Variants in CENPP observed in about 807,000 individuals in gnomAD.
CENPP encodes the protein centromere protein P.
Under a neutral mutation model 35.6 loss-of-function variants are expected in CENPP, and 24 were observed. The ratio of observed to expected loss-of-function variants is 0.67; its 90% CI spans 0.49 to 0.95. The LOEUF (loss-of-function observed/expected upper bound fraction) is 0.95, where lower values mean the gene tolerates loss of function less well. CENPP is among the 40% of genes least tolerant of loss of function. CENPP has a pLI of 0.00. For missense variants in CENPP, 332 were observed against 345.3 expected (o/e 0.96, Z 0.31); for synonymous variants, 120 against 125.5 (o/e 0.96, Z 0.29).
chr9:92,534,320 C>T (rs546158938), intron 5 of CENPP, among the ~76,000 whole-genome samples: 1 of 152,298 alleles, frequency 6.6e-6, no homozygotes, highest in Non-Finnish European at 1.5e-5. Context: ...TCTTGAATCT[C>T]AGTACTTCTT....
intron 4 of CENPP, among the ~76,000 whole-genome samples, chr9:92,378,580 A>G (rs934209167): frequency 1.3e-5 from 2 of 152,158 alleles, no homozygotes; most frequent in African/African-American, 2.4e-5. Flanking sequence ...ATGGTTTTAA[A>G]TTATAGTTAA....
intron 5 of CENPP, among the ~76,000 whole-genome samples, chr9:92,492,331 T>C (rs1485743225): frequency 6.6e-6 from 1 of 152,180 alleles, no homozygotes; most frequent in Non-Finnish European, 1.5e-5. Flanking sequence ...ACTTTAAAGA[T>C]TTATACTACA....
At position 92,515,099 on chromosome 9, in the gene CENPP, G is replaced by A. The variant is rs1449938632; in HGVS notation, c.565-96215G>A. ...CGGTCCATTCCCACCTGAGGAGGTG[G>A]CAGTTGCTTATGAAGTAAATTGGTA... On this transcript the variant is annotated intron_variant, in intron 5 of 7. Coordinates refer to ENST00000375587, the MANE Select transcript of CENPP (RefSeq NM_001012267.3). 9 of 1,613,960 alleles carry A rather than the reference G, an allele frequency of 5.6e-6. No individual in the cohort carries two copies. Among genetic ancestry groups the A allele is most frequent in the Non-Finnish European group, 6.8e-6 (8 of 1,180,014 alleles).
At chr9:92,408,170 C>T (rs1843356742) in intron 5 of CENPP, among the ~76,000 whole-genome samples, 1 of 152,162 alleles carries the variant, frequency 6.6e-6, no homozygotes, top group African/African-American at 2.4e-5. Context: ...AGTCAAAACA[C>T]CTGAGTTCTA....
intron 4 of CENPP, among the ~76,000 whole-genome samples, chr9:92,359,098 T>C (rs10121495): frequency 0.44 from 67,180 of 151,634 alleles, 17,046 homozygotes; most frequent in African/African-American, 0.69. Flanking sequence ...TAAAGGCATG[T>C]GCCACCACAC....
Position 92,594,270 on chromosome 9 carries a change from C to T in CENPP, c.565-17044C>T, listed in dbSNP as rs564257859. 1.4e-4 allele frequency among the ~76,000 whole-genome samples: 22 copies of T among 152,274 alleles called. No individual in the cohort carries two copies. In the South Asian group the frequency reaches 4.6e-3, roughly 32 times the overall value. On this transcript the variant is annotated intron_variant, in intron 5 of 7. Coordinates refer to ENST00000375587, the MANE Select transcript of CENPP (RefSeq NM_001012267.3). ...TTTAGGGTCAGCCCACCTCTGGTCT[C>T]CCTCCATTCTTATCAGTGGGATCAC...
chr9:92,548,879 T>A (rs756082531), intron 5 of CENPP, among the ~76,000 whole-genome samples: 1 of 152,268 alleles, frequency 6.6e-6, no homozygotes, highest in South Asian at 2.1e-4. Context: ...GTGTGTGTTA[T>A]CTAGAACTTG....
intron 5 of CENPP, among the ~76,000 whole-genome samples, chr9:92,570,170 G>A (rs899504669): frequency 6.6e-6 from 1 of 152,120 alleles, no homozygotes; most frequent in African/African-American, 2.4e-5. Context: ...TTTTCAAAGG[G>A]AGTGCTTCTA....
At chr9:92,365,030 G>A (rs1841851589) in intron 4 of CENPP, among the ~76,000 whole-genome samples, 2 of 152,174 alleles carry the variant, frequency 1.3e-5, no homozygotes, top group African/African-American at 2.4e-5. Flanking sequence ...CAGCAGTTAC[G>A]TGTTGCCTGT....
intron 4 of CENPP, among the ~76,000 whole-genome samples, chr9:92,348,555 G>A (rs1366738625): frequency 6.6e-6 from 1 of 151,922 alleles, no homozygotes; most frequent in African/African-American, 2.4e-5. Flanking sequence ...ACCACACCCG[G>A]CTAATTTTGT....
At chr9:92,532,023 T>TTTG (rs1848814059) in intron 5 of CENPP, among the ~76,000 whole-genome samples, 1 of 128,668 alleles carries the variant, frequency 7.8e-6, no homozygotes, top group Non-Finnish European at 1.6e-5. Flanking sequence ...ATGTTTTTTT[T>TTTG]TTTTTATTTT....
chr9:92,373,939 C>T (rs1564283938), intron 4 of CENPP, among the ~76,000 whole-genome samples: 1 of 152,014 alleles, frequency 6.6e-6, no homozygotes, highest in African/African-American at 2.4e-5. Context: ...TGTTTTCTTG[C>T]TTTTCATGTA....
chr9:92,379,166 G>A (rs1328184289), intron 4 of CENPP, among the ~76,000 whole-genome samples: 3 of 152,216 alleles, frequency 2.0e-5, no homozygotes, highest in Non-Finnish European at 4.4e-5. Flanking sequence ...ATGCATAGAC[G>A]AAGGTCTGGG....
Position 92,612,571 on chromosome 9 carries a change from G to T in CENPP, c.693G>T (p.Lys231Asn). The change falls in exon 7 of 8, where the codon AAG (lysine) becomes AAT (asparagine). Residue 231 changes from lysine to asparagine, a missense_variant. Coordinates refer to ENST00000375587, the MANE Select transcript of CENPP (RefSeq NM_001012267.3). ...GGATACAAATAGATGAAGATGGGAA[G>T]GTTTTTCCAAAGCTGGATCTTCTCA... The part of the protein sequence containing the change: ...VWRIQIDEDG[K>N]VFPKLDLLTK... 3.7e-6 allele frequency: 6 copies of T among 1,614,158 alleles called. No individual in the cohort carries two copies. Among genetic ancestry groups the T allele is most frequent in the Non-Finnish European group, 5.1e-6 (6 of 1,180,014 alleles).
rs1588179976 is a variant in CENPP at position 92,496,209 on chromosome 9, A to G, written c.565-115105A>G. The G allele has an allele frequency of 4.1e-6, 6 of 1,450,798 alleles. No homozygotes were observed. In the African/African-American group the frequency reaches 5.8e-5, roughly 14 times the overall value. 89.9% of individuals were successfully genotyped at this position (1,450,798 alleles called of 1,614,324 possible). On this transcript the variant is annotated intron_variant, in intron 5 of 7. Transcript: ENST00000375587. ...TAGTGAATCAGGTTGACTAGCATAT[A>G]ATGATACTGAGTATAACAGGAGGAT... is the stretch of plus-strand genomic sequence containing the variant.
chr9:92,409,652 A>G (rs1053259818), intron 5 of CENPP, among the ~76,000 whole-genome samples: 3 of 152,198 alleles, frequency 2.0e-5, no homozygotes, highest in Non-Finnish European at 2.9e-5. Context: ...TTATGCATTT[A>G]TATTTGTTAA....
At position 92,617,710 on chromosome 9, in the gene CENPP, G is replaced by A. The variant is rs182924608; in HGVS notation, c.*4561G>A. The A allele has an allele frequency of 3.7e-4, 59 of 157,968 alleles. 1 individual carries two copies. The highest frequency in any genetic ancestry group is 5.6e-4 in the Non-Finnish European group (40 of 71,602). The allele number at this position is 157,968 out of a possible 1,614,324, so 9.8% of individuals were successfully genotyped here. A position where few individuals can be genotyped will look rare whatever the true frequency, so the allele number is the denominator to read the frequency against. On this transcript the variant is annotated 3_prime_UTR_variant, in exon 8 of 8. Transcript: ENST00000375587. ...GACCAGCAGCCTCCAAGGGTGCTGG[G>A]GATCGGGGTGGAGAAGCCAAGGCCG...
In CENPP at chr9:92,464,803, C is replaced by T. The variant is rs532634002; in HGVS notation, c.564+84944C>T. The T allele has an allele frequency of 8.7e-6, 7 of 807,690 alleles. No individual in the cohort carries two copies. In the South Asian group the frequency reaches 9.7e-5, roughly 11 times the overall value. The allele number at this position is 807,690 out of a possible 1,614,324, so 50.0% of individuals were successfully genotyped here. ...GTGTAGACTATATTGACCAGATTTACTGGTGCAAAGATTTCTAGTTGCAGT... is the reference window on the plus strand; with the variant it reads ...GTGTAGACTATATTGACCAGATTTATTGGTGCAAAGATTTCTAGTTGCAGT... On this transcript the variant is annotated intron_variant, in intron 5 of 7. Transcript: ENST00000375587.
intron 5 of CENPP, among the ~76,000 whole-genome samples, chr9:92,533,341 A>ATG (rs1326980048): frequency 3.2e-5 from 4 of 125,040 alleles, no homozygotes; most frequent in African/African-American, 1.2e-4. Flanking sequence ...ATATATATAT[A>ATG]TATATATATA....
Sources: allele counts gnomAD v4.1 joint callset (sites outside exome capture counted in the v4.1 genomes callset), GRCh38; gene constraint gnomAD v4.1.1; transcripts MANE v1.5; gene names NCBI Gene and HGNC (gene_info 2026-07-23, HGNC 2026-07-21).